Variants in AGMO observed in about 807,000 individuals in gnomAD.
AGMO encodes alkylglycerol monooxygenase.
Under a neutral mutation model 60.2 loss-of-function variants are expected in AGMO, and 75 were observed. The observed-to-expected ratio is 1.25, with a 90% CI of 1.03 to 1.51. The LOEUF is 1.51. Ranked by LOEUF, AGMO falls within the 40% of genes most tolerant of loss-of-function variation. The probability of loss-of-function intolerance (pLI) is 0.00; values close to 1 mark genes in which losing one functional copy is unlikely to be tolerated. For missense variants in AGMO, 763 were observed against 525.5 expected (o/e 1.45, Z -4.42); for synonymous variants, 261 against 177.1 (o/e 1.47, Z -3.76).
At chr7:15,375,449 G>A (rs982701562) in intron 10 of AGMO, among the ~76,000 whole-genome samples, 5 of 136,600 alleles carry the variant, frequency 3.7e-5, no homozygotes, top group African/African-American at 5.7e-5. Context: ...AGGCTGGAGT[G>A]CAGTAGCACA....
At chr7:15,439,949 C>T (rs1369585686) in intron 3 of AGMO, among the ~76,000 whole-genome samples, 1 of 152,116 alleles carries the variant, frequency 6.6e-6, no homozygotes, top group South Asian at 2.1e-4. Context: ...TAATCCCTTC[C>T]AAACTAGAGC....
intron 3 of AGMO, among the ~76,000 whole-genome samples, chr7:15,539,692 G>A (rs553521235): frequency 6.6e-6 from 1 of 152,188 alleles, no homozygotes; most frequent in South Asian, 2.1e-4. Flanking sequence ...GTAATTCTAA[G>A]TTATTTGAGG....
chr7:15,302,663 G>C (rs979634703), intron 12 of AGMO, among the ~76,000 whole-genome samples: 2 of 152,102 alleles, frequency 1.3e-5, no homozygotes, highest in Admixed American at 1.3e-4. Context: ...TAATATATTA[G>C]CTGTTTTCAA....
intron 12 of AGMO, among the ~76,000 whole-genome samples, chr7:15,359,515 A>G (rs1374031172): frequency 6.6e-6 from 1 of 152,152 alleles, no homozygotes; most frequent in Admixed American, 6.5e-5. Context: ...GCCTACATAT[A>G]TATCATGTAT....
chr7:15,395,721 T>A (rs1784347873), intron 5 of AGMO, among the ~76,000 whole-genome samples: 1 of 152,214 alleles, frequency 6.6e-6, no homozygotes, highest in African/African-American at 2.4e-5. Context: ...AAAAGTTTGT[T>A]AAAAATTTAA....
intron 2 of AGMO, 102 bp from the exon 3 acceptor site, chr7:15,545,025 AAAATG>A: frequency 1.2e-6 from 1 of 819,886 alleles, no homozygotes; most frequent in Non-Finnish European, 1.7e-6. Context: ...TTCATATAAA[AAAATG>A]AAACTCTTTC....
chr7:15,542,378 C>T (rs1784652379), intron 3 of AGMO, among the ~76,000 whole-genome samples: 1 of 152,050 alleles, frequency 6.6e-6, no homozygotes, highest in Admixed American at 6.5e-5. Context: ...CTTTAAATAG[C>T]CTTGATGCCA....
In AGMO at chr7:15,270,596, ATTTTTTTTTTTTTTTTTTTTTTT is replaced by A. The variant is rs527463907; in HGVS notation, c.1264-69260_1264-69238del. 3.2e-3 allele frequency among the ~76,000 whole-genome samples: 154 copies of A among 48,072 alleles called. 2 individuals carry two copies. The highest frequency in any genetic ancestry group is 0.01 in the African/African-American group (122 of 12,176). The allele number at this position is 48,072 out of a possible 152,430, so 31.5% of individuals were successfully genotyped here. On this transcript the variant is annotated intron_variant, in intron 12 of 12. Transcript: ENST00000342526. ...ATTAAACAAATTTAATCTGTTGATA[ATTTTTTTTTTTTTTTTTTTTTTT>A]TTTTTTTTTTTTTTTTTTGCTGTGC...
chr7:15,439,898 C>A (rs188196789), intron 3 of AGMO, among the ~76,000 whole-genome samples: 2 of 152,104 alleles, frequency 1.3e-5, no homozygotes, highest in Non-Finnish European at 2.9e-5. Flanking sequence ...TGAGACCCCC[C>A]GACCCTGTCT....
intron 1 of AGMO, among the ~76,000 whole-genome samples, chr7:15,561,091 C>T (rs1197055498): frequency 1.3e-5 from 2 of 151,994 alleles, no homozygotes; most frequent in East Asian, 3.9e-4. Flanking sequence ...CTATTTCTGC[C>T]ATGAACTAGT....
intron 2 of AGMO, among the ~76,000 whole-genome samples, chr7:15,552,395 G>A (rs980121566): frequency 1.3e-5 from 2 of 152,106 alleles, no homozygotes; most frequent in Admixed American, 6.6e-5. Flanking sequence ...CCTACAAAAT[G>A]GGAGAAGATT....
At chr7:15,483,402 T>C (rs1782814617) in intron 3 of AGMO, among the ~76,000 whole-genome samples, 1 of 118,804 alleles carries the variant, frequency 8.4e-6, no homozygotes, top group Admixed American at 8.6e-5. Flanking sequence ...CCGTCTCTAC[T>C]AAAAATACAA....
intron 12 of AGMO, among the ~76,000 whole-genome samples, chr7:15,268,488 A>G: frequency 6.6e-6 from 1 of 152,120 alleles, no homozygotes; most frequent in East Asian, 1.9e-4. Flanking sequence ...TGCATTCCAT[A>G]TGGTCATGCA....
chr7:15,544,737 C>G (rs373755144), intron 3 of AGMO, 35 bp downstream of exon 3: 2 of 1,517,642 alleles, frequency 1.3e-6, no homozygotes, highest in Non-Finnish European at 1.8e-6. Context: ...CACAGTTCAA[C>G]ATAAGTTAAC....
At chr7:15,226,886 A>C (rs1782099245) in intron 12 of AGMO, among the ~76,000 whole-genome samples, 1 of 151,992 alleles carries the variant, frequency 6.6e-6, no homozygotes. Flanking sequence ...AATCAGTAAA[A>C]AGAAAATGCA....
the AGMO span, among the ~76,000 whole-genome samples, chr7:15,167,163 C>T: frequency 6.6e-6 from 1 of 152,038 alleles, no homozygotes; most frequent in East Asian, 1.9e-4. Context: ...AAACAATGTC[C>T]ATGAATATTG....
At position 15,289,135 on chromosome 7, in the gene AGMO, G is replaced by A. The variant is rs543918486; in HGVS notation, c.1263+76379C>T. On this transcript the variant is annotated intron_variant, in intron 12 of 12. Coordinates refer to ENST00000342526, the MANE Select transcript of AGMO (RefSeq NM_001004320.2). Reference sequence around the variant, plus strand: ...TTATTTACAAAAAAAAATCTTTACTGTTACGGCCCCATACATAAAGCAATT... The same window carrying A: ...TTATTTACAAAAAAAAATCTTTACTATTACGGCCCCATACATAAAGCAATT... 2.6e-5 allele frequency among the ~76,000 whole-genome samples: 4 copies of A among 151,558 alleles called. No individual in the cohort carries two copies. The South Asian group carries it at 6.3e-4, about 24-fold the overall frequency.
At chr7:15,434,743 A>G (rs1781351244) in intron 3 of AGMO, among the ~76,000 whole-genome samples, 1 of 152,226 alleles carries the variant, frequency 6.6e-6, no homozygotes, top group Admixed American at 6.6e-5. Flanking sequence ...ATTCATCTAA[A>G]CTATGCCCCA....
intron 12 of AGMO, among the ~76,000 whole-genome samples, chr7:15,275,742 G>C (rs1783766341): frequency 6.6e-6 from 1 of 151,934 alleles, no homozygotes; most frequent in South Asian, 2.1e-4. Flanking sequence ...TATATATTTA[G>C]GATGGTGATA....
Sources: allele counts gnomAD v4.1 joint callset (sites outside exome capture counted in the v4.1 genomes callset), GRCh38; gene constraint gnomAD v4.1.1; transcripts MANE v1.5; gene names NCBI Gene and HGNC (gene_info 2026-07-23, HGNC 2026-07-21).